Variants in CAMTA1 observed in about 807,000 individuals in gnomAD.
CAMTA1 encodes calmodulin-binding transcription activator 1.
Under a neutral mutation model 170.9 loss-of-function variants are expected in CAMTA1, and 27 were observed. That is an observed-to-expected ratio of 0.16 (90% CI 0.12 to 0.22). CAMTA1 has a LOEUF of 0.22. Ranked by LOEUF, CAMTA1 falls within the 10% of genes least tolerant of loss-of-function variation. The pLI is 1.00. For synonymous variants in CAMTA1, 833 were observed against 891.5 expected, an observed-to-expected ratio of 0.93 and a Z score of 1.17; for missense variants, 1,619 against 2,217.2, an observed-to-expected ratio of 0.73 and a Z score of 5.42.
At chr1:6,861,242 C>T (rs542154275) in intron 3 of CAMTA1, among the ~76,000 whole-genome samples, 1 of 152,236 alleles carries the variant, frequency 6.6e-6, no homozygotes, top group South Asian at 2.1e-4. Context: ...AGGCATGAGC[C>T]ACTGCGCCTG....
At chr1:6,801,895 T>G (rs1457770256) in intron 1 of CAMTA1, among the ~76,000 whole-genome samples, 2 of 152,120 alleles carry the variant, frequency 1.3e-5, no homozygotes, top group Non-Finnish European at 2.9e-5. Context: ...TTTTAATATT[T>G]GCAATATTTA....
chr1:6,895,111 A>G (rs1482378809), intron 3 of CAMTA1, among the ~76,000 whole-genome samples: 1 of 152,190 alleles, frequency 6.6e-6, no homozygotes, highest in African/African-American at 2.4e-5. Context: ...TAACACTTAA[A>G]TCTGCCTTGG....
chr1:7,548,031 GGCCCC>G (rs1255978749), intron 6 of CAMTA1, among the ~76,000 whole-genome samples: 2 of 152,192 alleles, frequency 1.3e-5, no homozygotes, highest in Non-Finnish European at 2.9e-5. Context: ...CACATATGCT[GGCCCC>G]GACTTAAGAT....
At chr1:7,082,440 AATAGATAGATAG>A (rs150422699) in intron 3 of CAMTA1, among the ~76,000 whole-genome samples, 106 of 142,316 alleles carry the variant, frequency 7.4e-4, no homozygotes, top group African/African-American at 1.4e-3. Context: ...TGCATCTCGA[AATAGATAGATAG>A]ATAGATAGAT....
intron 3 of CAMTA1, among the ~76,000 whole-genome samples, chr1:6,902,625 T>C (rs1677373011): frequency 6.6e-6 from 1 of 152,244 alleles, no homozygotes; most frequent in African/African-American, 2.4e-5. Flanking sequence ...ATTGTGGTTA[T>C]GCAGCTCTGT....
intron 8 of CAMTA1, 26 bp from the exon 9 acceptor site, chr1:7,663,327 C>T (rs367823528): frequency 1.8e-5 from 27 of 1,517,380 alleles, no homozygotes; most frequent in African/African-American, 2.8e-5. Flanking sequence ...CGTGTGCGTG[C>T]GCGTGTTGTG....
intron 6 of CAMTA1, among the ~76,000 whole-genome samples, chr1:7,513,264 A>G (rs1444531428): frequency 3.3e-5 from 5 of 152,218 alleles, no homozygotes; most frequent in Middle Eastern, 3.4e-3. Flanking sequence ...GAGAAAGAGA[A>G]ACTTCCAGGC....
In CAMTA1 at chr1:7,635,395, C is replaced by T. The variant is rs1055077460; in HGVS notation, c.511-5005C>T. ...GGCCGAGGCAGGCAGATCACGAGAT[C>T]GGGACACCGAGACTATCCTGGCTAA... On this transcript the variant is annotated intron_variant, in intron 6 of 22. Coordinates refer to ENST00000303635, the MANE Select transcript of CAMTA1 (RefSeq NM_015215.4). This position sits in a 1 kb window ranked among gnomAD's most constrained non-coding sequence, Gnocchi z 4.4. Among the ~76,000 whole-genome samples the T allele has an allele frequency of 4.6e-5, 7 of 151,934 alleles. No individual in the cohort carries two copies. Among genetic ancestry groups the T allele is most frequent in the African/African-American group, 1.2e-4 (5 of 41,350 alleles).
chr1:7,598,338 T>A (rs1194686041), intron 6 of CAMTA1, among the ~76,000 whole-genome samples: 1 of 152,252 alleles, frequency 6.6e-6, no homozygotes, highest in Non-Finnish European at 1.5e-5. Flanking sequence ...TCTATCATTT[T>A]TGGACATTTG....
chr1:7,393,209 C>G (rs149599088), intron 5 of CAMTA1, among the ~76,000 whole-genome samples: 133 of 152,010 alleles, frequency 8.7e-4, no homozygotes, highest in African/African-American at 3.1e-3. Flanking sequence ...GCTTATATGC[C>G]ATCTGTATGT....
chr1:7,158,013 G>C (rs1573534451), intron 4 of CAMTA1, among the ~76,000 whole-genome samples: 1 of 152,118 alleles, frequency 6.6e-6, no homozygotes, highest in African/African-American at 2.4e-5. Flanking sequence ...CAAAAGATTA[G>C]CCAGGCGTGG....
intron 5 of CAMTA1, among the ~76,000 whole-genome samples, chr1:7,258,205 C>T (rs1490159466): frequency 6.6e-6 from 1 of 152,190 alleles, no homozygotes; most frequent in Non-Finnish European, 1.5e-5. Flanking sequence ...GAATATGTAG[C>T]AGGAAGTGTG....
At chr1:7,232,274 G>T (rs1206220487) in intron 4 of CAMTA1, among the ~76,000 whole-genome samples, 1 of 68 alleles carries the variant, frequency 0.015, no homozygotes, top group Non-Finnish European at 0.026. Flanking sequence ...CCCAGGTGTG[G>T]CTGTGCTGCA....
At chr1:7,649,656 G>A (rs930486597) in intron 7 of CAMTA1, among the ~76,000 whole-genome samples, 58 of 152,316 alleles carry the variant, frequency 3.8e-4, no homozygotes, top group South Asian at 1.2e-3. Context: ...GAGCCGATCC[G>A]GCCCCCAAGG....
intron 11 of CAMTA1, among the ~76,000 whole-genome samples, chr1:7,719,061 CTT>C (rs1558212924): frequency 6.6e-6 from 1 of 152,144 alleles, no homozygotes; most frequent in Non-Finnish European, 1.5e-5. Flanking sequence ...ATGTTCTCCT[CTT>C]TTGTAGACTC....
chr1:7,227,406 C>T (rs1448572899), intron 4 of CAMTA1, among the ~76,000 whole-genome samples: 1 of 152,130 alleles, frequency 6.6e-6, no homozygotes, highest in Non-Finnish European at 1.5e-5. Flanking sequence ...TGGCTCACCG[C>T]AACCTCTGCC....
At chr1:7,704,279 G>A (rs2096479429) in intron 11 of CAMTA1, among the ~76,000 whole-genome samples, 1 of 145,850 alleles carries the variant, frequency 6.9e-6, no homozygotes, top group African/African-American at 2.5e-5. Flanking sequence ...CGGGCGCGGG[G>A]CGGCCCCGCG....
chr1:6,827,033 G>T (rs11120773), intron 3 of CAMTA1, among the ~76,000 whole-genome samples: 12,137 of 152,166 alleles, frequency 0.08, 723 homozygotes, highest in East Asian at 0.26. Context: ...GAGATTAAAA[G>T]AAAAAAATGA....
rs1257396762 is a variant in CAMTA1 at position 7,234,943 on chromosome 1, C to T, written c.303-14548C>T. On this transcript the variant is annotated intron_variant, in intron 4 of 22. Coordinates refer to ENST00000303635, the MANE Select transcript of CAMTA1 (RefSeq NM_015215.4). This position sits in a 1 kb window ranked among gnomAD's most constrained non-coding sequence, Gnocchi z 5.0. ...CTGGGATTAAAAGCACCTGCCACCA[C>T]ACCTGGCTAATTTTTGTATTTTTAG... Among the ~76,000 whole-genome samples the T allele has an allele frequency of 1.3e-5, 2 of 152,050 alleles. No homozygotes were observed. Among genetic ancestry groups the T allele is most frequent in the African/African-American group, 4.8e-5 (2 of 41,372 alleles).
Sources: allele counts gnomAD v4.1 joint callset (sites outside exome capture counted in the v4.1 genomes callset), GRCh38; gene constraint gnomAD v4.1.1; non-coding constraint Gnocchi (gnomAD v3.1); transcripts MANE v1.5; gene names NCBI Gene and HGNC (gene_info 2026-07-23, HGNC 2026-07-21).